TRPM7: variants seen among roughly 807,000 people sequenced by gnomAD.
TRPM7 encodes the protein LTRPC ion channel family member 7.
In TRPM7, 134 loss-of-function variants were observed where a neutral mutation model predicts 229.7. That is an observed-to-expected ratio of 0.58 (90% CI 0.51 to 0.67). The LOEUF (loss-of-function observed/expected upper bound fraction) is 0.67. TRPM7 is among the 30% of genes least tolerant of loss of function. The pLI is 0.00. For synonymous variants in TRPM7, 699 were observed against 715.2 expected (o/e 0.98, Z 0.36); for missense variants, 1,901 against 2,210.0 (o/e 0.86, Z 2.80).
chr15:50,593,727 ATCT>A lies in TRPM7; in HGVS notation c.3495_3497del (p.Glu1165del), dbSNP rs1190907551. On this transcript the variant is annotated inframe_deletion, in exon 25 of 39. Transcript: ENST00000646667. ...CTTCAAAATCATGAAGTTTCTTTTG[ATCT>A]TCTTCTGTTAAGAAAAGTTCTATGG... 1 of 1,609,626 alleles carries A rather than the reference ATCT, an allele frequency of 6.2e-7. No homozygotes were observed. The highest frequency in any genetic ancestry group is 8.5e-7 in the Non-Finnish European group (1 of 1,178,836).
At chr15:50,580,497 G>GT (rs1555403837) in intron 30 of TRPM7, among the ~76,000 whole-genome samples, 2 of 152,138 alleles carry the variant, frequency 1.3e-5, no homozygotes, top group Non-Finnish European at 2.9e-5. Context: ...CAGATGCAAG[G>GT]TTTTGACTAG....
chr15:50,596,395 AAAAG>A lies in TRPM7; in HGVS notation c.3164-18_3164-15del. On this transcript the variant is annotated splice_polypyrimidine_tract_variant and intron_variant, in intron 22 of 38. Coordinates refer to ENST00000646667, the MANE Select transcript of TRPM7 (RefSeq NM_017672.6). ...CATTTGCACACACTTTAGAGAGAAA[AAAAG>A]AAAAAAACAAAAACAACTTAAAAAT... 6.4e-7 allele frequency: 1 copy of A among 1,558,842 alleles called. No homozygotes were observed. The highest frequency in any genetic ancestry group is 8.6e-7 in the Non-Finnish European group (1 of 1,160,650).
intron 5 of TRPM7, among the ~76,000 whole-genome samples, chr15:50,640,268 C>A (rs774167437): frequency 6.6e-6 from 1 of 151,844 alleles, no homozygotes; most frequent in Non-Finnish European, 1.5e-5. Flanking sequence ...TCCTCATTAT[C>A]ACTTCTTTTT....
chr15:50,625,509 A>C (rs2060531231), intron 11 of TRPM7, among the ~76,000 whole-genome samples: 1 of 152,144 alleles, frequency 6.6e-6, no homozygotes, highest in Non-Finnish European at 1.5e-5. Context: ...CAGGGGTTCA[A>C]GGGATGTTCC....
chr15:50,673,633 C>CGT (rs893869359), intron 1 of TRPM7, among the ~76,000 whole-genome samples: 9 of 147,804 alleles, frequency 6.1e-5, no homozygotes, highest in African/African-American at 1.1e-4. Context: ...AGTATTCCCT[C>CGT]GTATATATAT....
chr15:50,664,636 A>C (rs780122009), intron 1 of TRPM7, among the ~76,000 whole-genome samples: 1 of 152,226 alleles, frequency 6.6e-6, no homozygotes, highest in Non-Finnish European at 1.5e-5. Context: ...GAAGATTAAC[A>C]CATTTCCCTC....
At position 50,612,566 on chromosome 15, in the gene TRPM7, T is replaced by C. The variant is rs1396303811; in HGVS notation, c.2034A>G (p.Glu678=). ...CCACTTACTTGGAATACTGTTTTAG[T>C]TCTTCTGAAGTATCATCTACCAGGT... The part of the protein sequence containing the change: ...QSDLVDDTSE[E]LKQYSNDFGQ... Residue 678 remains glutamate, a synonymous_variant, in exon 16 of 39, where the codon GAA becomes GAG. Coordinates refer to ENST00000646667, the MANE Select transcript of TRPM7 (RefSeq NM_017672.6). 1 of 1,610,164 alleles carries C rather than the reference T, an allele frequency of 6.2e-7. No individual in the cohort carries two copies. Among genetic ancestry groups the C allele is most frequent in the Non-Finnish European group, 8.5e-7 (1 of 1,177,666 alleles).
At chr15:50,651,753 C>A (rs963872150) in intron 3 of TRPM7, among the ~76,000 whole-genome samples, 6 of 151,598 alleles carry the variant, frequency 4.0e-5, no homozygotes, top group African/African-American at 1.5e-4. Flanking sequence ...AGCTGGGCGT[C>A]GTGGCAGTCG....
intron 14 of TRPM7, 107 bp downstream of exon 14, chr15:50,614,016 C>A: frequency 2.9e-6 from 4 of 1,366,538 alleles, no homozygotes; most frequent in Non-Finnish European, 4.0e-6. Context: ...AAATGTTCAA[C>A]TTTATGACAG....
chr15:50,679,534 A>ATGTG (rs1468424653), intron 1 of TRPM7, among the ~76,000 whole-genome samples: 2 of 57,664 alleles, frequency 3.5e-5, no homozygotes, highest in African/African-American at 1.1e-4. Flanking sequence ...ATATATATAT[A>ATGTG]TATATTTTTT....
chr15:50,578,025 G>A (rs1198670696), intron 31 of TRPM7, among the ~76,000 whole-genome samples: 1 of 151,986 alleles, frequency 6.6e-6, no homozygotes, highest in Admixed American at 6.6e-5. Flanking sequence ...ACTCACACAC[G>A]CACATACACC....
chr15:50,653,810 G>T (rs529666358), intron 3 of TRPM7, among the ~76,000 whole-genome samples: 3 of 152,168 alleles, frequency 2.0e-5, no homozygotes, highest in Admixed American at 1.3e-4. Flanking sequence ...ATGGTCTAAG[G>T]TGTATCTGTG....
chr15:50,608,842 G>T (rs79667347), intron 19 of TRPM7, among the ~76,000 whole-genome samples: 2,743 of 152,242 alleles, frequency 0.018, 46 homozygotes, highest in Non-Finnish European at 0.027. Context: ...TAAAAGTAGG[G>T]GCTAATCTCA....
intron 1 of TRPM7, among the ~76,000 whole-genome samples, chr15:50,670,810 G>GAAAAAAAAAAAAAAAAAA (rs59965204): frequency 8.8e-6 from 1 of 113,510 alleles, no homozygotes; most frequent in African/African-American, 3.2e-5. Context: ...AAAAGAAAAA[G>GAAAAAAAAAAAAAAAAAA]AAAAAAAAAA....
rs148813806 is a variant in TRPM7, at chr15:50,642,493, C to T, written c.535+847G>A. Among the ~76,000 whole-genome samples the T allele has an allele frequency of 4.4e-3, 664 of 152,242 alleles. 6 individuals carry two copies. Among genetic ancestry groups the T allele is most frequent in the African/African-American group, 0.015 (613 of 41,546 alleles). On this transcript the variant is annotated intron_variant, in intron 5 of 38. Transcript: ENST00000646667. ...GGTGGAAGTAACTGAATCATGGGGG[C>T]GGTTTCCCCAATGCTGTTCTGGTGA...
chr15:50,667,392 TTTGA>T (rs1450335427), intron 1 of TRPM7, among the ~76,000 whole-genome samples: 2 of 152,186 alleles, frequency 1.3e-5, no homozygotes, highest in African/African-American at 2.4e-5. Context: ...ATGAAAGAGC[TTTGA>T]TTAACTGGTT....
intron 1 of TRPM7, among the ~76,000 whole-genome samples, chr15:50,670,184 A>G (rs772723471): frequency 1.4e-4 from 21 of 152,172 alleles, no homozygotes; most frequent in Non-Finnish European, 2.5e-4. Context: ...AGGTTACAAA[A>G]GGTGTATCTT....
intron 1 of TRPM7, among the ~76,000 whole-genome samples, chr15:50,670,904 T>C (rs368921998): frequency 8.0e-4 from 121 of 151,882 alleles, no homozygotes; most frequent in African/African-American, 2.7e-3. Context: ...CCAGGTGCAG[T>C]AGCTCTTGCC....
chr15:50,563,956 T>C (rs556960684), intron 38 of TRPM7, among the ~76,000 whole-genome samples: 3 of 152,162 alleles, frequency 2.0e-5, no homozygotes, highest in African/African-American at 7.2e-5. Context: ...ACCTCTGTGG[T>C]TCAAGCGATT....
Sources: gnomAD v4.1 joint callset for allele counts (sites outside exome capture counted in the v4.1 genomes callset) on GRCh38, gnomAD v4.1.1 for gene constraint, MANE v1.5 for transcripts, NCBI Gene and HGNC (gene_info 2026-07-23, HGNC 2026-07-21) for gene names.